Variants in MRPS6 observed in about 807,000 individuals in gnomAD.
MRPS6 encodes the protein small ribosomal subunit protein bS6m.
A neutral mutation model predicts 13.1 loss-of-function variants in MRPS6; 6 were observed. That is an observed-to-expected ratio of 0.46 (90% confidence interval 0.25 to 0.91). The LOEUF is 0.91. Ranked by LOEUF, MRPS6 falls within the 40% of genes least tolerant of loss-of-function variation. The pLI is 0.18. For synonymous variants in MRPS6, 61 were observed against 56.5 expected, an observed-to-expected ratio of 1.08 and a Z score of -0.36; for missense variants, 164 against 155.6, an observed-to-expected ratio of 1.05 and a Z score of -0.29.
At chr21:34,135,975 A>G (rs1980684204) in intron 2 of MRPS6, 2 of 351,896 alleles carry the variant, frequency 5.7e-6, no homozygotes, top group East Asian at 7.5e-5. Flanking sequence ...GCATATCATC[A>G]TTTGTGCTGC....
intron 1 of MRPS6, chr21:34,103,091 T>C (rs1233658634): frequency 1.2e-5 from 12 of 1,000,110 alleles, no homozygotes; most frequent in African/African-American, 1.7e-5. Flanking sequence ...TTTGTTGTTA[T>C]AATTGGAAAC....
intron 1 of MRPS6, among the ~76,000 whole-genome samples, chr21:34,093,646 A>AT (rs143993992): frequency 0.067 from 10,275 of 152,246 alleles, 1,170 homozygotes; most frequent in African/African-American, 0.23. Context: ...AGGAGAAATC[A>AT]TTTAGAAGTT....
At chr21:34,126,828 A>C (rs947118212) in intron 2 of MRPS6, among the ~76,000 whole-genome samples, 1 of 152,144 alleles carries the variant, frequency 6.6e-6, no homozygotes, top group African/African-American at 2.4e-5. Flanking sequence ...GAGAGTTGGC[A>C]TGACCAGCAT....
intron 1 of MRPS6, chr21:34,104,795 G>GT (rs1240076187): frequency 4.0e-5 from 40 of 1,000,102 alleles, no homozygotes; most frequent in Non-Finnish European, 4.8e-5. Context: ...GTTATAACCT[G>GT]TTAATCCTAC....
chr21:34,114,158 A>G (rs1411141771), intron 1 of MRPS6, among the ~76,000 whole-genome samples: 1 of 152,200 alleles, frequency 6.6e-6, no homozygotes, highest in African/African-American at 2.4e-5. Flanking sequence ...GAAACCTCTC[A>G]GCAAGAGGAT....
chr21:34,082,056 T>G (rs758713932), intron 1 of MRPS6, among the ~76,000 whole-genome samples: 1 of 101,364 alleles, frequency 9.9e-6, no homozygotes, highest in Non-Finnish European at 1.8e-5. Flanking sequence ...GGAAATCTGG[T>G]TTTTTTTTTT....
intron 1 of MRPS6, chr21:34,104,437 T>C (rs1280119479): frequency 1.0e-6 from 1 of 1,000,000 alleles, no homozygotes; most frequent in Non-Finnish European, 1.2e-6. Context: ...ATTTTGCCCA[T>C]GTGTTAAAAG....
chr21:34,137,549 G>C (rs1435966071), intron 2 of MRPS6, among the ~76,000 whole-genome samples: 1 of 152,146 alleles, frequency 6.6e-6, no homozygotes, highest in Non-Finnish European at 1.5e-5. Flanking sequence ...AAATAAGACA[G>C]TCTCACTTTT....
At chr21:34,108,543 C>T (rs1019397351) in intron 1 of MRPS6, among the ~76,000 whole-genome samples, 1 of 152,184 alleles carries the variant, frequency 6.6e-6, no homozygotes, top group African/African-American at 2.4e-5. Flanking sequence ...CTACAGATGC[C>T]TCCAGTTCTA....
intron 1 of MRPS6, among the ~76,000 whole-genome samples, chr21:34,074,444 A>T (rs1989273861): frequency 6.6e-6 from 1 of 152,096 alleles, no homozygotes; most frequent in Non-Finnish European, 1.5e-5. Flanking sequence ...TCCAGAAGAC[A>T]CTTTCTTCCC....
intron 1 of MRPS6, among the ~76,000 whole-genome samples, chr21:34,109,815 A>G (rs546936371): frequency 3.3e-5 from 5 of 152,294 alleles, no homozygotes; most frequent in African/African-American, 1.2e-4. Flanking sequence ...CTGAAAAAAA[A>G]AAATCCTGCA....
chr21:34,080,626 A>C (rs891193786), intron 1 of MRPS6, among the ~76,000 whole-genome samples: 1 of 152,220 alleles, frequency 6.6e-6, no homozygotes, highest in Non-Finnish European at 1.5e-5. Context: ...CTTTGGTTGC[A>C]TGAATCTCAT....
Position 34,093,163 on chromosome 21 carries a change from G to T in MRPS6, c.45+19418G>T, listed in dbSNP as rs938217850. Reference sequence around the variant, plus strand: ...AAAAACTTGGAAGCTTTTGGGGGTGGGGAAGGTGGTCATAGAAATATGATC... The same window carrying T: ...AAAAACTTGGAAGCTTTTGGGGGTGTGGAAGGTGGTCATAGAAATATGATC... On this transcript the variant is annotated intron_variant, in intron 1 of 2. Transcript: ENST00000399312. Among the ~76,000 whole-genome samples the T allele has an allele frequency of 2.0e-5, 3 of 152,048 alleles. No homozygotes were observed. In the East Asian group the frequency reaches 5.8e-4, roughly 29 times the overall value.
At chr21:34,095,490 A>T (rs1456301659) in intron 1 of MRPS6, 1 of 1,614,032 alleles carries the variant, frequency 6.2e-7, no homozygotes. Flanking sequence ...ATGGGTTTTC[A>T]TCCCAATTTA....
intron 1 of MRPS6, among the ~76,000 whole-genome samples, chr21:34,093,766 C>T (rs182059387): frequency 2.0e-4 from 30 of 152,110 alleles, no homozygotes; most frequent in South Asian, 1.0e-3. Flanking sequence ...GGAGAGAAGC[C>T]GTCAAATTTT....
At chr21:34,109,902 G>A (rs1289536784) in intron 1 of MRPS6, among the ~76,000 whole-genome samples, 1 of 151,936 alleles carries the variant, frequency 6.6e-6, no homozygotes. Flanking sequence ...CCTCCATAAA[G>A]CTGAAAAAAA....
At chr21:34,092,271 C>T (rs1170280186) in intron 1 of MRPS6, among the ~76,000 whole-genome samples, 1 of 152,154 alleles carries the variant, frequency 6.6e-6, no homozygotes. Context: ...TATATTTCTA[C>T]AAACCAAATT....
At chr21:34,107,014 C>T (rs1328003552) in intron 1 of MRPS6, among the ~76,000 whole-genome samples, 1 of 152,186 alleles carries the variant, frequency 6.6e-6, no homozygotes, top group East Asian at 1.9e-4. Context: ...TCACTGCAGC[C>T]TCTGTCTCCT....
intron 1 of MRPS6, among the ~76,000 whole-genome samples, chr21:34,116,886 A>G (rs959569212): frequency 6.6e-6 from 1 of 151,946 alleles, no homozygotes; most frequent in Non-Finnish European, 1.5e-5. Context: ...ATTCCCCTAC[A>G]CTCCCTTGTA....
Sources: allele counts gnomAD v4.1 joint callset (sites outside exome capture counted in the v4.1 genomes callset), GRCh38; gene constraint gnomAD v4.1.1; transcripts MANE v1.5; gene names NCBI Gene and HGNC (gene_info 2026-07-23, HGNC 2026-07-21).